Variants in ARNT2 observed in about 807,000 individuals in gnomAD.
ARNT2 encodes ARNT protein 2.
Under a neutral mutation model 91.7 loss-of-function variants are expected in ARNT2, and 36 were observed. The observed-to-expected ratio is 0.39, with a 90% CI of 0.30 to 0.52. ARNT2 has a LOEUF of 0.52. Ranked by LOEUF, ARNT2 falls within the 20% of genes least tolerant of loss-of-function variation. The pLI, the probability that ARNT2 is intolerant of heterozygous loss-of-function variation, is 0.72. For synonymous variants in ARNT2, 365 were observed against 347.1 expected, an observed-to-expected ratio of 1.05 and a Z score of -0.57; for missense variants, 775 against 939.3, an observed-to-expected ratio of 0.83 and a Z score of 2.29.
In ARNT2 at chr15:80,404,685, C is replaced by T; in HGVS notation, c.31+139C>T. On this transcript the variant is annotated intron_variant, in intron 1 of 18. Transcript: ENST00000303329. The surrounding 1 kb of genome is among the most constrained non-coding windows in gnomAD (Gnocchi z 5.5). ...GTGGGTGGTGGAGCGGCTGTCACTA[C>T]GCGGCAGCCGCAGCATCAGCACCAG... 2.3e-6 allele frequency: 1 copy of T among 428,702 alleles called. No homozygotes were observed. The highest frequency in any genetic ancestry group is 6.2e-5 in the Admixed American group (1 of 16,040). 26.6% of individuals were successfully genotyped at this position (428,702 alleles called of 1,614,324 possible). A position where few individuals can be genotyped will look rare whatever the true frequency, so the allele number is the denominator to read the frequency against.
At chr15:80,454,888 G>C (rs1407945678) in intron 2 of ARNT2, among the ~76,000 whole-genome samples, 1 of 152,138 alleles carries the variant, frequency 6.6e-6, no homozygotes, top group Non-Finnish European at 1.5e-5. Flanking sequence ...GCTCATCGAC[G>C]GAAAAGTACA....
intron 8 of ARNT2, among the ~76,000 whole-genome samples, chr15:80,543,300 G>A (rs1434047539): frequency 1.3e-5 from 2 of 151,960 alleles, no homozygotes; most frequent in Non-Finnish European, 2.9e-5. Flanking sequence ...TTATGTATAA[G>A]GTAACAGAGG....
Position 80,591,505 on chromosome 15 carries a change from T to C in ARNT2, c.1919-63T>C. 1 of 1,603,866 alleles carries C rather than the reference T, an allele frequency of 6.2e-7. No individual in the cohort carries two copies. The highest frequency in any genetic ancestry group is 8.5e-7 in the Non-Finnish European group (1 of 1,172,714). On this transcript the variant is annotated intron_variant, in intron 17 of 18. Transcript: ENST00000303329. The surrounding 1 kb of genome is among the most constrained non-coding windows in gnomAD (Gnocchi z 5.1). ...GGAGGCCCTCCAGCCGCAGTGGTTC[T>C]TAGGTCTCACAGAACCACGGGATGG...
At chr15:80,519,250 C>T (rs1897493759) in intron 8 of ARNT2, among the ~76,000 whole-genome samples, 1 of 151,998 alleles carries the variant, frequency 6.6e-6, no homozygotes, top group Admixed American at 6.6e-5. Flanking sequence ...TACGTATATG[C>T]CTTTCTCCAA....
intron 8 of ARNT2, among the ~76,000 whole-genome samples, chr15:80,523,072 C>T (rs185228191): frequency 6.6e-6 from 1 of 152,192 alleles, no homozygotes; most frequent in Non-Finnish European, 1.5e-5. Context: ...TAACCAGGTG[C>T]AATTCAGTAA....
At chr15:80,486,301 G>A (rs1896972032) in intron 5 of ARNT2, among the ~76,000 whole-genome samples, 1 of 152,160 alleles carries the variant, frequency 6.6e-6, no homozygotes, top group Non-Finnish European at 1.5e-5. Context: ...CAAGTTCTGA[G>A]TGGACATGAA....
rs755179995 is a variant in ARNT2, at chr15:80,580,530, G to A, written c.1733G>A (p.Arg578His). 2.4e-5 allele frequency: 39 copies of A among 1,614,048 alleles called. No individual in the cohort carries two copies. The highest frequency in any genetic ancestry group is 5.5e-5 in the South Asian group (5 of 91,076). ...AGTCAGGTGGCATGGACAGGGAGTC[G>A]TCCGCCCTTTCCGGGACAGGTATGG... ...NQSQVAWTGSRPPFPGQQIPS... is the reference protein window; with the variant it reads ...NQSQVAWTGSHPPFPGQQIPS... Residue 578 changes from arginine (R) to histidine (H), a missense_variant, in exon 16 of 19, where the codon CGT (arginine) becomes CAT (histidine). Arg to His is a conservative substitution (Grantham distance 29, BLOSUM62 0). Transcript: ENST00000303329.
At chr15:80,417,298 G>T (rs1482000670) in intron 1 of ARNT2, among the ~76,000 whole-genome samples, 2 of 151,582 alleles carry the variant, frequency 1.3e-5, no homozygotes, top group Non-Finnish European at 2.9e-5. Flanking sequence ...TGCATATCCA[G>T]GTTTAGATGT....
At chr15:80,438,297 A>G (rs1896124597) in intron 1 of ARNT2, among the ~76,000 whole-genome samples, 1 of 152,156 alleles carries the variant, frequency 6.6e-6, no homozygotes, top group African/African-American at 2.4e-5. Flanking sequence ...GGAATGAACT[A>G]CGTTGGTTTT....
chr15:80,438,628 G>A (rs1037121), intron 1 of ARNT2, among the ~76,000 whole-genome samples: 35,914 of 151,942 alleles, frequency 0.24, 5,066 homozygotes, highest in African/African-American at 0.4. Context: ...TTATGGTTCT[G>A]TACATATCTT....
Position 80,570,362 on chromosome 15 carries a change from A to G in ARNT2, c.1317-3786A>G, listed in dbSNP as rs139476192. Among the ~76,000 whole-genome samples the G allele has an allele frequency of 8.1e-4, 124 of 152,326 alleles. 1 individual carries two copies. The highest frequency in any genetic ancestry group is 2.9e-3 in the African/African-American group (120 of 41,582). On this transcript the variant is annotated intron_variant, in intron 12 of 18. Transcript: ENST00000303329. The stretch of plus-strand genomic sequence containing the variant: ...TCTCTAAAATGAGGATACTGCAGAG[A>G]TGTGAAAATATTGACAAAGTGCTGG...
At chr15:80,582,456 A>G (rs557065779) in intron 17 of ARNT2, among the ~76,000 whole-genome samples, 2 of 152,100 alleles carry the variant, frequency 1.3e-5, no homozygotes, top group African/African-American at 4.8e-5. Context: ...TGATCACACC[A>G]CTGCACTCCA....
intron 8 of ARNT2, among the ~76,000 whole-genome samples, chr15:80,514,669 G>A (rs142146901): frequency 3.3e-5 from 5 of 152,316 alleles, no homozygotes; most frequent in African/African-American, 4.8e-5. Context: ...GGTGGATCAC[G>A]AGATCAGGAG....
At position 80,575,620 on chromosome 15, in the gene ARNT2, G is replaced by A. The variant is rs147887242; in HGVS notation, c.1513+510G>A. Among the ~76,000 whole-genome samples, 840 of 152,344 alleles carry A rather than the reference G, an allele frequency of 5.5e-3. 6 individuals carry two copies. The highest frequency in any genetic ancestry group is 8.8e-3 in the Non-Finnish European group (597 of 68,034). On this transcript the variant is annotated intron_variant, in intron 14 of 18. Transcript: ENST00000303329. ...CATTTCTTCAGCCGTGTGGCTGTGGGTGAGCCTGTGGGTGAGACGACTCTG... is the reference window on the plus strand; with the variant it reads ...CATTTCTTCAGCCGTGTGGCTGTGGATGAGCCTGTGGGTGAGACGACTCTG...
At chr15:80,429,779 G>A (rs1361088217) in intron 1 of ARNT2, among the ~76,000 whole-genome samples, 1 of 152,150 alleles carries the variant, frequency 6.6e-6, no homozygotes, top group Non-Finnish European at 1.5e-5. Context: ...AGGAGATGCA[G>A]TTGGTGTCTG....
chr15:80,518,585 G>A (rs192983951), intron 8 of ARNT2, among the ~76,000 whole-genome samples: 46 of 152,170 alleles, frequency 3.0e-4, no homozygotes, highest in Admixed American at 7.9e-4. Flanking sequence ...GGCTCAAAGA[G>A]CTTTTTCTTA....
At chr15:80,415,827 C>T (rs879686153) in intron 1 of ARNT2, among the ~76,000 whole-genome samples, 7 of 152,106 alleles carry the variant, frequency 4.6e-5, no homozygotes, top group Non-Finnish European at 7.4e-5. Flanking sequence ...AAATACTGGA[C>T]GAGATCCAGA....
At chr15:80,509,715 G>A (rs1897316856) in intron 6 of ARNT2, among the ~76,000 whole-genome samples, 1 of 152,142 alleles carries the variant, frequency 6.6e-6, no homozygotes, top group Non-Finnish European at 1.5e-5. Flanking sequence ...CCTAAAGAAA[G>A]TGAGTGAATG....
chr15:80,514,309 T>C lies in ARNT2; in HGVS notation c.792-11T>C. ...TGTGATGAAAACAATTTCACAAATG[T>C]TCTTTTTTAGGAATGGCCTTGGCCC... is the stretch of plus-strand genomic sequence containing the variant. On this transcript the variant is annotated splice_polypyrimidine_tract_variant and intron_variant, in intron 7 of 18. Coordinates refer to ENST00000303329, the MANE Select transcript of ARNT2 (RefSeq NM_014862.4). 6.2e-7 allele frequency: 1 copy of C among 1,613,930 alleles called. No homozygotes were observed. Among genetic ancestry groups the C allele is most frequent in the Non-Finnish European group, 8.5e-7 (1 of 1,179,872 alleles).
Sources: allele counts gnomAD v4.1 joint callset (sites outside exome capture counted in the v4.1 genomes callset), GRCh38; gene constraint gnomAD v4.1.1; non-coding constraint Gnocchi (gnomAD v3.1); transcripts MANE v1.5; gene names NCBI Gene and HGNC (gene_info 2026-07-23, HGNC 2026-07-21).